The following MYO3A variants were observed in gnomAD, a reference collection of about 807,000 sequenced individuals.
MYO3A encodes the protein myosin-IIIa.
MYO3A carries 180 observed loss-of-function variants against 192.7 expected under a neutral mutation model. That is an observed-to-expected ratio of 0.93 (90% CI 0.83 to 1.06). The LOEUF (loss-of-function observed/expected upper bound fraction) is 1.06. Ranked by LOEUF, MYO3A falls within the 50% of genes least tolerant of loss-of-function variation. The pLI, the probability that MYO3A is intolerant of heterozygous loss-of-function variation, is 0.00. For missense variants in MYO3A, 1,896 were observed against 1,905.0 expected, an observed-to-expected ratio of 1.00 and a Z score of 0.09; for synonymous variants, 628 against 645.3, an observed-to-expected ratio of 0.97 and a Z score of 0.41.
intron 20 of MYO3A, among the ~76,000 whole-genome samples, chr10:26,143,020 A>G (rs1484904861): frequency 6.6e-6 from 1 of 152,166 alleles, no homozygotes; most frequent in Admixed American, 6.5e-5. Flanking sequence ...GAAAAATAAA[A>G]TGATACTCTC....
At chr10:26,049,665 CTTTCTTTCTTTTTT>C (rs1843858467) in intron 10 of MYO3A, among the ~76,000 whole-genome samples, 1 of 71,522 alleles carries the variant, frequency 1.4e-5, no homozygotes, top group Non-Finnish European at 3.3e-5. Flanking sequence ...TTCTTTCTTT[CTTTCTTTCTTTTTT>C]TTTTTTTTTT....
chr10:25,939,059 A>G (rs1168139532), intron 2 of MYO3A, among the ~76,000 whole-genome samples: 1 of 152,104 alleles, frequency 6.6e-6, no homozygotes, highest in Non-Finnish European at 1.5e-5. Context: ...TAAAATATGA[A>G]GGCACATGAA....
At chr10:26,019,282 G>A (rs1300106188) in intron 7 of MYO3A, among the ~76,000 whole-genome samples, 1 of 149,132 alleles carries the variant, frequency 6.7e-6, no homozygotes, top group Non-Finnish European at 1.5e-5. Flanking sequence ...TTCCTGAGAC[G>A]GAGTCTCGCT....
rs775821422 is a variant in MYO3A at position 26,066,972 on chromosome 10, C to T, written c.954-3C>T. ...TTAAATCAGAAAGCGTTTTTCTCCA[C>T]AGACGTGAACGTATTCACACGAAGA... On this transcript the variant is annotated splice_region_variant and splice_polypyrimidine_tract_variant and intron_variant, in intron 10 of 34. Transcript: ENST00000642920. The T allele has an allele frequency of 1.9e-6, 3 of 1,601,962 alleles. No homozygotes were observed. The highest frequency in any genetic ancestry group is 2.6e-6 in the Non-Finnish European group (3 of 1,169,172).
intron 20 of MYO3A, among the ~76,000 whole-genome samples, chr10:26,136,999 C>T (rs577348811): frequency 5.3e-5 from 8 of 150,564 alleles, no homozygotes; most frequent in South Asian, 2.1e-4. Flanking sequence ...GCCTGGGCCA[C>T]GGAGCAAGAC....
At chr10:26,019,743 G>T (rs1336043908) in intron 7 of MYO3A, among the ~76,000 whole-genome samples, 1 of 152,144 alleles carries the variant, frequency 6.6e-6, no homozygotes, top group Non-Finnish European at 1.5e-5. Context: ...TTTTAGAGTT[G>T]AATAATATTC....
chr10:26,168,517 A>C (rs938146108), intron 27 of MYO3A, among the ~76,000 whole-genome samples, 195 bp from the exon 28 acceptor site: 1 of 152,214 alleles, frequency 6.6e-6, no homozygotes, highest in African/African-American at 2.4e-5. Context: ...CACCTTCTGC[A>C]TTTCTTCTCA....
chr10:26,101,601 A>G (rs1837457790), intron 17 of MYO3A, among the ~76,000 whole-genome samples: 1 of 152,182 alleles, frequency 6.6e-6, no homozygotes, highest in Non-Finnish European at 1.5e-5. Context: ...GGTGGTGACA[A>G]AATCTCTCAG....
At chr10:26,131,843 C>T (rs1026229866) in intron 20 of MYO3A, among the ~76,000 whole-genome samples, 1 of 151,960 alleles carries the variant, frequency 6.6e-6, no homozygotes, top group Non-Finnish European at 1.5e-5. Context: ...ATGTCCCCAC[C>T]CTGCAAATAG....
intron 31 of MYO3A, among the ~76,000 whole-genome samples, chr10:26,179,160 G>A (rs1370456011): frequency 1.6e-5 from 2 of 124,148 alleles, no homozygotes; most frequent in Non-Finnish European, 3.2e-5. Context: ...GTGCAATGGC[G>A]CGATCTCAGC....
chr10:25,954,190 G>A (rs1837390349), intron 3 of MYO3A, among the ~76,000 whole-genome samples: 1 of 151,970 alleles, frequency 6.6e-6, no homozygotes, highest in African/African-American at 2.4e-5. Flanking sequence ...AAACAACATA[G>A]GCATTAAATG....
At chr10:26,008,006 A>T (rs1001931144) in intron 6 of MYO3A, among the ~76,000 whole-genome samples, 2 of 151,508 alleles carry the variant, frequency 1.3e-5, no homozygotes, top group African/African-American at 2.4e-5. Context: ...CAGTAACGAA[A>T]ACAGCGTGGT....
At chr10:26,192,820 A>AT (rs1297602849) in intron 31 of MYO3A, among the ~76,000 whole-genome samples, 6 of 151,490 alleles carry the variant, frequency 4.0e-5, no homozygotes, top group African/African-American at 1.5e-4. Flanking sequence ...CGCCTGACTA[A>AT]TTTTTTTGTA....
In MYO3A at chr10:26,129,300, G is replaced by A. The variant is rs1360619329; in HGVS notation, c.2262+762G>A. On this transcript the variant is annotated intron_variant, in intron 20 of 34. Coordinates refer to ENST00000642920, the MANE Select transcript of MYO3A (RefSeq NM_017433.5). The stretch of plus-strand genomic sequence containing the variant: ...CAGTGGTCACAAAATAAAACATTTC[G>A]ATTTTGACATTTCTTAAGCCAAAAG... Among the ~76,000 whole-genome samples the A allele has an allele frequency of 3.3e-5, 5 of 152,006 alleles. No homozygotes were observed. In the East Asian group the frequency reaches 5.8e-4, roughly 18 times the overall value.
At chr10:26,147,349 G>T in intron 22 of MYO3A, 81 bp from the exon 23 acceptor site, 1 of 1,385,838 alleles carries the variant, frequency 7.2e-7, no homozygotes, top group Non-Finnish European at 1.0e-6. Flanking sequence ...ATGAGTATCT[G>T]TTGTTGATGA....
chr10:26,189,516 G>A (rs1177807795), intron 31 of MYO3A, among the ~76,000 whole-genome samples: 1 of 152,192 alleles, frequency 6.6e-6, no homozygotes, highest in East Asian at 1.9e-4. Context: ...TTTCAGTGAG[G>A]CTATGAAAAG....
At position 26,026,403 on chromosome 10, in the gene MYO3A, G is replaced by T. The variant is rs928696768; in HGVS notation, c.824G>T (p.Arg275Leu). 1.2e-6 allele frequency: 2 copies of T among 1,614,052 alleles called. No individual in the cohort carries two copies. Among genetic ancestry groups the T allele is most frequent in the Admixed American group, 1.7e-5 (1 of 60,018 alleles). Residue 275 changes from arginine to leucine, a missense_variant, in exon 10 of 35, where the codon CGT becomes CTT. Arg to Leu is a moderately radical substitution (Grantham distance 102). Transcript: ENST00000642920. ...SKCLTKDYEK[R>L]PTVSELLQHK... ...TGCTTGACTAAAGATTATGAAAAGC[G>T]TCCAACAGTGTCAGAACTTTTACAG...
intron 34 of MYO3A, among the ~76,000 whole-genome samples, chr10:26,207,595 T>C (rs1844031124): frequency 6.6e-6 from 1 of 152,178 alleles, no homozygotes. Flanking sequence ...CTGTAAATGT[T>C]GGATTTATTT....
rs2132213576 is a variant in MYO3A, at chr10:26,202,947, T to G, written c.4587-17T>G. On this transcript the variant is annotated splice_polypyrimidine_tract_variant and intron_variant, in intron 33 of 34. Transcript: ENST00000642920. ...AATTAGATTGATGCAATGGTGTGTT[T>G]ATGTGTTCATTTACAGTCAGGGAAA... 6.2e-7 allele frequency: 1 copy of G among 1,613,028 alleles called. No individual in the cohort carries two copies. Among genetic ancestry groups the G allele is most frequent in the East Asian group, 2.2e-5 (1 of 44,782 alleles).
Sources: gnomAD v4.1 joint callset for allele counts (sites outside exome capture counted in the v4.1 genomes callset) on GRCh38, gnomAD v4.1.1 for gene constraint, MANE v1.5 for transcripts, NCBI Gene and HGNC (gene_info 2026-07-23, HGNC 2026-07-21) for gene names.